The following ZMYND11 variants were observed in gnomAD, a reference collection of about 807,000 sequenced individuals.
ZMYND11 encodes the protein zinc finger MYND domain-containing protein 11.
A neutral mutation model predicts 84.9 loss-of-function variants in ZMYND11; 9 were observed. That is an observed-to-expected ratio of 0.11 (90% CI 0.06 to 0.18). ZMYND11 has a LOEUF of 0.18. ZMYND11 is among the 10% of genes least tolerant of loss of function. The pLI is 1.00. For missense variants in ZMYND11, 409 were observed against 761.0 expected (o/e 0.54, Z 5.44); for synonymous variants, 250 against 244.1 (o/e 1.02, Z -0.23).
intron 1 of ZMYND11, among the ~76,000 whole-genome samples, chr10:169,949 A>C (rs2131615104): frequency 4.3e-5 from 1 of 23,354 alleles, no homozygotes; most frequent in East Asian, 1.9e-3. Context: ...AGTTCAGAAA[A>C]CACCAAGCAG....
rs761070528 is a variant in ZMYND11, at chr10:151,413, C to T, written c.-20+15854C>T. Among the ~76,000 whole-genome samples, 22 of 152,024 alleles carry T rather than the reference C, an allele frequency of 1.4e-4. 2 individuals are homozygous for T. In the South Asian group the frequency reaches 1.5e-3, roughly 10 times the overall value. On this transcript the variant is annotated intron_variant, in intron 1 of 14. Coordinates refer to ENST00000381604, the MANE Select transcript of ZMYND11 (RefSeq NM_001370100.5). ...AAACCATCGCATGAGAACTACGTGA[C>T]GAATGCACAAGCTTCAGTAGCCAAT...
chr10:242,691 C>G (rs1255744583), intron 10 of ZMYND11, among the ~76,000 whole-genome samples: 1 of 152,174 alleles, frequency 6.6e-6, no homozygotes, highest in African/African-American at 2.4e-5. Context: ...AAAAGTCATA[C>G]TTTGTAAGGA....
At chr10:236,149 C>CTAA (rs979908404) in intron 4 of ZMYND11, among the ~76,000 whole-genome samples, 2 of 152,158 alleles carry the variant, frequency 1.3e-5, no homozygotes, top group Admixed American at 6.5e-5. Context: ...CCTTTGCTTC[C>CTAA]TTTAGGCTGT....
At chr10:244,271 G>C (rs1313897427) in intron 10 of ZMYND11, among the ~76,000 whole-genome samples, 2 of 152,164 alleles carry the variant, frequency 1.3e-5, no homozygotes, top group Admixed American at 1.3e-4. Flanking sequence ...GCCACTGGTT[G>C]CAAGTTTTGG....
At chr10:247,142 G>T in intron 11 of ZMYND11, 169 bp downstream of exon 11, 1 of 792,226 alleles carries the variant, frequency 1.3e-6, no homozygotes, top group Non-Finnish European at 2.0e-6. Flanking sequence ...TGAATACATA[G>T]ATGTAACAAT....
At position 221,462 on chromosome 10, in the gene ZMYND11, C is replaced by G. The variant is rs113687592; in HGVS notation, c.438+106C>G. The G allele has an allele frequency of 2.2e-4, 248 of 1,143,238 alleles. No individual in the cohort carries two copies. The African/African-American group carries it at 3.6e-3, about 17-fold the overall frequency. 70.8% of individuals were successfully genotyped at this position (1,143,238 alleles called of 1,614,324 possible). ...TCTTGCCAGGTGAACGGATAAAGGA[C>G]TGGAGGGTGGGGGTTATCTAATGAA... On this transcript the variant is annotated intron_variant, in intron 4 of 14. Transcript: ENST00000381604.
At chr10:249,838 T>G (rs1421595418) in intron 14 of ZMYND11, 1 of 889,036 alleles carries the variant, frequency 1.1e-6, no homozygotes, top group Non-Finnish European at 1.3e-6. Context: ...ACACATAAGC[T>G]TTTCATGAAA....
intron 4 of ZMYND11, among the ~76,000 whole-genome samples, chr10:235,740 C>T (rs1189997121): frequency 6.6e-6 from 1 of 152,228 alleles, no homozygotes; most frequent in Admixed American, 6.5e-5. Flanking sequence ...GCACTGACTG[C>T]GTTGCCAGAG....
At chr10:251,569 G>A (rs1437162201) in intron 14 of ZMYND11, among the ~76,000 whole-genome samples, 2 of 152,314 alleles carry the variant, frequency 1.3e-5, no homozygotes, top group East Asian at 3.9e-4. Context: ...TCAAGTGTTT[G>A]TTTACATCCA....
chr10:172,624 C>T (rs959423045), intron 1 of ZMYND11, among the ~76,000 whole-genome samples: 3 of 152,106 alleles, frequency 2.0e-5, no homozygotes, highest in Non-Finnish European at 4.4e-5. Context: ...ATGAGATATT[C>T]CATGTTCATG....
intron 1 of ZMYND11, among the ~76,000 whole-genome samples, chr10:136,239 A>AG (rs1269517524): frequency 2.0e-5 from 3 of 151,796 alleles, no homozygotes; most frequent in Non-Finnish European, 4.4e-5. Context: ...GGCTGGGACG[A>AG]GGGGGGGCGC....
intron 4 of ZMYND11, among the ~76,000 whole-genome samples, chr10:230,329 C>T (rs1589124798): frequency 6.8e-6 from 1 of 146,176 alleles, no homozygotes; most frequent in Non-Finnish European, 1.5e-5. Context: ...AAAAATTAGC[C>T]CAGCATGCTG....
chr10:206,221 G>A lies in ZMYND11; in HGVS notation c.117-3668G>A, dbSNP rs12217583. ...CTAAAAATACAAAAATTAGCCAGGC[G>A]TGGTGGCCAGCACCTGTAGTCCCAG... On this transcript the variant is annotated intron_variant, in intron 2 of 14. Transcript: ENST00000381604. 4.9e-3 allele frequency among the ~76,000 whole-genome samples: 742 copies of A among 152,172 alleles called. 10 individuals carry two copies. The highest frequency in any genetic ancestry group is 0.042 in the East Asian group (215 of 5,166).
chr10:158,353 A>C (rs1842155506), intron 1 of ZMYND11, among the ~76,000 whole-genome samples: 2 of 151,610 alleles, frequency 1.3e-5, no homozygotes, highest in Admixed American at 6.6e-5. Context: ...ATGTATGAAA[A>C]CACCGGTTTC....
intron 1 of ZMYND11, among the ~76,000 whole-genome samples, chr10:158,708 AC>A (rs1842266952): frequency 6.6e-6 from 1 of 151,482 alleles, no homozygotes; most frequent in Admixed American, 6.6e-5. Context: ...GGCGTGAGCC[AC>A]TGCACCCAGC....
chr10:249,878 TGGCAAGAAGG>T, intron 14 of ZMYND11: 3 of 745,770 alleles, frequency 4.0e-6, no homozygotes, highest in South Asian at 6.1e-5. Flanking sequence ...GACAAAGATT[TGGCAAGAAGG>T]AAAATGGAAA....
chr10:248,890 C>G lies in ZMYND11; in HGVS notation c.1501-13C>G. ...TGTGTGCTGACGCACTGTGGGTTGT[C>G]TTTTCATTCCAGCTGCGTTCTGAAA... On this transcript the variant is annotated splice_polypyrimidine_tract_variant and intron_variant, in intron 13 of 14. Coordinates refer to ENST00000381604, the MANE Select transcript of ZMYND11 (RefSeq NM_001370100.5). The G allele has an allele frequency of 6.3e-7, 1 of 1,598,014 alleles. No individual in the cohort carries two copies. Among genetic ancestry groups the G allele is most frequent in the Non-Finnish European group, 8.5e-7 (1 of 1,171,754 alleles).
chr10:161,202 A>G (rs532429741), intron 1 of ZMYND11, among the ~76,000 whole-genome samples: 2 of 152,176 alleles, frequency 1.3e-5, no homozygotes, highest in Admixed American at 6.5e-5. Flanking sequence ...ATCTCCCTGT[A>G]CATCTCCATT....
intron 1 of ZMYND11, 52 bp from the exon 2 acceptor site, chr10:179,942 A>G (rs1847479918): frequency 8.1e-6 from 9 of 1,107,222 alleles, no homozygotes; most frequent in Non-Finnish European, 1.1e-5. Context: ...TTATACTGAT[A>G]ATTCATTTTG....
Sources: allele counts gnomAD v4.1 joint callset (sites outside exome capture counted in the v4.1 genomes callset), GRCh38; gene constraint gnomAD v4.1.1; transcripts MANE v1.5; gene names NCBI Gene and HGNC (gene_info 2026-07-23, HGNC 2026-07-21).